The following DNAJC3 variants were observed in gnomAD, a reference collection of about 807,000 sequenced individuals.
DNAJC3 encodes the protein DnaJ heat shock protein family (Hsp40) member C3.
A neutral mutation model predicts 68.6 loss-of-function variants in DNAJC3; 38 were observed. The ratio of observed to expected loss-of-function variants is 0.55; its 90% confidence interval spans 0.43 to 0.73. The LOEUF (loss-of-function observed/expected upper bound fraction) is 0.73, where lower values mean the gene tolerates loss of function less well. Among genes scored for constraint, DNAJC3 ranks in the 30% least tolerant of loss-of-function variants. The probability of loss-of-function intolerance (pLI) is 0.00; values close to 1 mark genes in which losing one functional copy is unlikely to be tolerated. For missense variants in DNAJC3, 526 were observed against 591.9 expected, an observed-to-expected ratio of 0.89 and a Z score of 1.16; for synonymous variants, 203 against 204.0, an observed-to-expected ratio of 1.00 and a Z score of 0.04.
At chr13:95,696,035 C>A (rs1045792005) in intron 1 of DNAJC3, among the ~76,000 whole-genome samples, 3 of 152,126 alleles carry the variant, frequency 2.0e-5, no homozygotes, top group African/African-American at 7.2e-5. Context: ...CACACATAAC[C>A]TTACACTAAA....
intron 2 of DNAJC3, among the ~76,000 whole-genome samples, chr13:95,719,845 C>T (rs1881263016): frequency 6.6e-6 from 1 of 152,268 alleles, no homozygotes; most frequent in East Asian, 1.9e-4. Context: ...ACACAGTCCT[C>T]TGTGGAGATT....
intron 1 of DNAJC3, among the ~76,000 whole-genome samples, chr13:95,704,367 T>C (rs1157900625): frequency 6.6e-6 from 1 of 152,212 alleles, no homozygotes; most frequent in East Asian, 1.9e-4. Flanking sequence ...GGTCTGTGAT[T>C]GAAATAATAA....
chr13:95,742,189 G>A (rs1882167269), intron 4 of DNAJC3, among the ~76,000 whole-genome samples: 1 of 152,188 alleles, frequency 6.6e-6, no homozygotes. Flanking sequence ...TTCTCCTGGG[G>A]TGGTGGGCTT....
At chr13:95,710,578 G>GACATT (rs140701273) in intron 2 of DNAJC3, among the ~76,000 whole-genome samples, 4,539 of 152,126 alleles carry the variant, frequency 0.03, 231 homozygotes, top group African/African-American at 0.1. Flanking sequence ...GGGACTTTTT[G>GACATT]AACTTTCCTC....
intron 9 of DNAJC3, among the ~76,000 whole-genome samples, chr13:95,764,679 TATATACACACACACAC>T (rs1882930215): frequency 8.3e-6 from 1 of 120,574 alleles, no homozygotes; most frequent in African/African-American, 3.7e-5. Context: ...TATATATATA[TATATACACACACACAC>T]ATATATATAT....
intron 9 of DNAJC3, among the ~76,000 whole-genome samples, chr13:95,774,816 A>C (rs1291745290): frequency 4.6e-5 from 7 of 152,130 alleles, no homozygotes; most frequent in Non-Finnish European, 8.8e-5. Context: ...TATTGTTTGC[A>C]TGGTGTGTCT....
chr13:95,727,935 A>G (rs1321657591), intron 4 of DNAJC3, among the ~76,000 whole-genome samples: 1 of 152,214 alleles, frequency 6.6e-6, no homozygotes, highest in Admixed American at 6.5e-5. Flanking sequence ...ACTTTCTGGC[A>G]TCCACTAATT....
At chr13:95,755,940 C>G (rs1279337368) in intron 4 of DNAJC3, among the ~76,000 whole-genome samples, 1 of 152,062 alleles carries the variant, frequency 6.6e-6, no homozygotes, top group Non-Finnish European at 1.5e-5. Context: ...TCTGGCCTCA[C>G]AGAGGCCTAG....
intron 2 of DNAJC3, among the ~76,000 whole-genome samples, chr13:95,721,624 G>T (rs969640009): frequency 6.7e-6 from 1 of 149,800 alleles, no homozygotes; most frequent in Non-Finnish European, 1.5e-5. Flanking sequence ...GTGTGAATTG[G>T]TATCTCAATG....
intron 4 of DNAJC3, among the ~76,000 whole-genome samples, chr13:95,741,609 G>A (rs1882147355): frequency 6.6e-6 from 1 of 152,134 alleles, no homozygotes; most frequent in African/African-American, 2.4e-5. Context: ...GGGTCCGTGG[G>A]TCCCTGGGCA....
chr13:95,714,301 G>T (rs184586312), intron 2 of DNAJC3, among the ~76,000 whole-genome samples: 5 of 151,926 alleles, frequency 3.3e-5, no homozygotes, highest in African/African-American at 1.2e-4. Context: ...AGGCTGAGGC[G>T]GGAGGACTGC....
chr13:95,721,229 C>T (rs1383126572), intron 2 of DNAJC3, among the ~76,000 whole-genome samples: 1 of 152,106 alleles, frequency 6.6e-6, no homozygotes, highest in Non-Finnish European at 1.5e-5. Flanking sequence ...TGTAGCATGC[C>T]TAGGAGTTTC....
intron 9 of DNAJC3, among the ~76,000 whole-genome samples, chr13:95,779,689 G>C (rs2139691896): frequency 6.6e-6 from 1 of 151,990 alleles, no homozygotes; most frequent in East Asian, 1.9e-4. Flanking sequence ...TCGTCATCTG[G>C]TCTCTTTCCT....
chr13:95,704,090 G>A (rs915220459), intron 1 of DNAJC3, among the ~76,000 whole-genome samples: 2 of 152,098 alleles, frequency 1.3e-5, no homozygotes, highest in Admixed American at 1.3e-4. Context: ...TTGGCTTGTT[G>A]GTTTCAGTGA....
rs777968421 is a variant in DNAJC3 at position 95,731,901 on chromosome 13, ATT to A, written c.393+6670_393+6671del. Among the ~76,000 whole-genome samples, 305 of 123,902 alleles carry A rather than the reference ATT, an allele frequency of 2.5e-3. 4 individuals carry two copies. Among genetic ancestry groups the A allele is most frequent in the African/African-American group, 8.4e-3 (264 of 31,440 alleles). 81.3% of individuals were successfully genotyped at this position (123,902 alleles called of 152,430 possible). A position where few individuals can be genotyped will look rare whatever the true frequency, so the allele number is the denominator to read the frequency against. ...AGGTGTGCATCACCACGCCTGGCTA[ATT>A]TTTTTTTTTTTTTTTTTTTTGAGAC... On this transcript the variant is annotated intron_variant, in intron 4 of 11. Coordinates refer to ENST00000602402, the MANE Select transcript of DNAJC3 (RefSeq NM_006260.5).
intron 4 of DNAJC3, among the ~76,000 whole-genome samples, chr13:95,734,996 G>C (rs1342767379): frequency 8.7e-6 from 1 of 114,662 alleles, no homozygotes; most frequent in African/African-American, 3.4e-5. Context: ...ACAGGCCCCA[G>C]AGTGTGATAT....
chr13:95,759,346 C>G (rs913815410), intron 5 of DNAJC3, among the ~76,000 whole-genome samples: 2 of 152,212 alleles, frequency 1.3e-5, no homozygotes, highest in Non-Finnish European at 2.9e-5. Context: ...GGGTCTCTCT[C>G]TGTTACCTAG....
intron 4 of DNAJC3, 138 bp downstream of exon 4, chr13:95,725,390 A>G: frequency 2.0e-6 from 1 of 503,866 alleles, no homozygotes; most frequent in Non-Finnish European, 3.3e-6. Context: ...GAATAGCCAG[A>G]TTTATATATT....
chr13:95,684,259 T>G, intron 1 of DNAJC3, among the ~76,000 whole-genome samples: 1 of 152,168 alleles, frequency 6.6e-6, no homozygotes, highest in East Asian at 1.9e-4. Flanking sequence ...TATTGGGAAC[T>G]GGAGTAAAGG....
Sources: allele counts gnomAD v4.1 joint callset (sites outside exome capture counted in the v4.1 genomes callset), GRCh38; gene constraint gnomAD v4.1.1; transcripts MANE v1.5; gene names NCBI Gene and HGNC (gene_info 2026-07-23, HGNC 2026-07-21).